Variants in USH2A observed in about 807,000 individuals in gnomAD.
USH2A encodes the protein Usher syndrome 2A (autosomal recessive, mild).
In USH2A, 443 loss-of-function variants were observed where a neutral mutation model predicts 538.9. The observed-to-expected ratio is 0.82, with a 90% confidence interval of 0.76 to 0.89. The LOEUF (loss-of-function observed/expected upper bound fraction) is 0.89. USH2A is among the 40% of genes least tolerant of loss of function. The pLI, the probability that USH2A is intolerant of heterozygous loss-of-function variation, is 0.00. For missense variants in USH2A, 6,633 were observed against 6,324.8 expected, an observed-to-expected ratio of 1.05 and a Z score of -1.65; for synonymous variants, 2,413 against 2,273.5, an observed-to-expected ratio of 1.06 and a Z score of -1.75.
intron 9 of USH2A, among the ~76,000 whole-genome samples, chr1:216,301,649 G>A (rs1288496162): frequency 6.6e-6 from 1 of 152,146 alleles, no homozygotes; most frequent in Non-Finnish European, 1.5e-5. Context: ...TAGAGATATG[G>A]ATGCAGCACT....
intron 3 of USH2A, among the ~76,000 whole-genome samples, chr1:216,413,415 G>A (rs1043995552): frequency 6.6e-6 from 1 of 152,004 alleles, no homozygotes; most frequent in East Asian, 1.9e-4. Flanking sequence ...CCTTTATAAA[G>A]TGTGCACATG....
At chr1:216,064,702 A>G (rs758827307) in intron 30 of USH2A, among the ~76,000 whole-genome samples, 1 of 152,124 alleles carries the variant, frequency 6.6e-6, no homozygotes, top group Non-Finnish European at 1.5e-5. Context: ...TTAGATACAC[A>G]AATACTTACC....
At chr1:216,347,585 T>G (rs779962773) in intron 4 of USH2A, among the ~76,000 whole-genome samples, 18 of 152,102 alleles carry the variant, frequency 1.2e-4, no homozygotes, top group Non-Finnish European at 2.5e-4. Context: ...GGACTGTATT[T>G]GTAAAAATAT....
intron 67 of USH2A, 97 bp from the exon 68 acceptor site, chr1:215,640,831 G>A (rs1349144353): frequency 7.7e-4 from 651 of 843,686 alleles, no homozygotes; most frequent in South Asian, 2.2e-3. Context: ...AAATCAAACC[G>A]AACCAATCCA....
At chr1:216,006,502 T>G (rs1013668825) in intron 32 of USH2A, among the ~76,000 whole-genome samples, 34 of 152,186 alleles carry the variant, frequency 2.2e-4, no homozygotes, top group African/African-American at 8.0e-4. Flanking sequence ...GGATAAATCT[T>G]ATCATCTTAT....
intron 32 of USH2A, among the ~76,000 whole-genome samples, chr1:216,001,515 C>T (rs940566248): frequency 1.3e-5 from 2 of 152,164 alleles, no homozygotes; most frequent in East Asian, 1.9e-4. Flanking sequence ...CTGAACACTT[C>T]ATTACACTTG....
At chr1:216,017,106 T>C (rs1176238944) in intron 32 of USH2A, among the ~76,000 whole-genome samples, 1 of 152,146 alleles carries the variant, frequency 6.6e-6, no homozygotes, top group Non-Finnish European at 1.5e-5. Context: ...TTTTTCTTGG[T>C]TACTTTTATG....
At chr1:216,386,157 A>G (rs1368841038) in intron 3 of USH2A, among the ~76,000 whole-genome samples, 1 of 152,224 alleles carries the variant, frequency 6.6e-6, no homozygotes, top group Non-Finnish European at 1.5e-5. Context: ...TAAATTGCAC[A>G]ACAATTATGA....
At chr1:215,716,396 C>G (rs578035893) in intron 61 of USH2A, among the ~76,000 whole-genome samples, 2 of 152,336 alleles carry the variant, frequency 1.3e-5, no homozygotes, top group East Asian at 3.9e-4. Flanking sequence ...ATCAAGCTAT[C>G]TGGCATAAAA....
At chr1:215,875,168 C>CTTT (rs1664724788) in intron 43 of USH2A, among the ~76,000 whole-genome samples, 1 of 152,164 alleles carries the variant, frequency 6.6e-6, no homozygotes, top group African/African-American at 2.4e-5. Flanking sequence ...ATTTGCAAGA[C>CTTT]ACTCCCCCTT....
chr1:215,973,283 A>G (rs766354505), intron 35 of USH2A, among the ~76,000 whole-genome samples: 1 of 152,160 alleles, frequency 6.6e-6, no homozygotes, highest in Non-Finnish European at 1.5e-5. Flanking sequence ...ATATTGGGAA[A>G]TGAGATATTT....
chr1:215,916,864 C>A (rs1665967622), intron 38 of USH2A, among the ~76,000 whole-genome samples: 1 of 152,082 alleles, frequency 6.6e-6, no homozygotes, highest in African/African-American at 2.4e-5. Flanking sequence ...CCACCTCCAC[C>A]TCTCTTTGTG....
chr1:216,074,970 T>C (rs552811902), intron 27 of USH2A, among the ~76,000 whole-genome samples: 1 of 152,328 alleles, frequency 6.6e-6, no homozygotes, highest in South Asian at 2.1e-4. Flanking sequence ...CTAATGCCAC[T>C]AAACTGTACA....
At chr1:215,912,484 T>C (rs1237163795) in intron 38 of USH2A, among the ~76,000 whole-genome samples, 12 of 17,786 alleles carry the variant, frequency 6.7e-4, no homozygotes, top group African/African-American at 2.6e-3. Context: ...TACGTATATA[T>C]ATATATGTGT....
At chr1:216,276,021 A>G (rs76165325) in intron 11 of USH2A, among the ~76,000 whole-genome samples, 21 of 152,222 alleles carry the variant, frequency 1.4e-4, no homozygotes, top group African/African-American at 4.6e-4. Flanking sequence ...TAGGAACCCT[A>G]TGTCTCTAAC....
intron 11 of USH2A, among the ~76,000 whole-genome samples, chr1:216,251,541 T>C (rs1225361876): frequency 6.4e-5 from 9 of 141,156 alleles, no homozygotes; most frequent in Admixed American, 3.2e-4. Flanking sequence ...AGCTCCGCCT[T>C]CTGGGTTCAC....
intron 49 of USH2A, among the ~76,000 whole-genome samples, chr1:215,805,054 T>C (rs1332604740): frequency 1.3e-5 from 2 of 151,922 alleles, no homozygotes; most frequent in East Asian, 1.9e-4. Context: ...AAACACCGTA[T>C]GTTGTCACTC....
At chr1:215,833,976 G>A (rs2102811792) in intron 47 of USH2A, among the ~76,000 whole-genome samples, 1 of 152,062 alleles carries the variant, frequency 6.6e-6, no homozygotes, top group Non-Finnish European at 1.5e-5. Flanking sequence ...TAGTCATTAG[G>A]GAAAATGTAA....
In USH2A at chr1:215,759,680, T is replaced by C. The variant is rs1335027135; in HGVS notation, c.11211A>G (p.Lys3737=). The C allele has an allele frequency of 1.2e-6, 2 of 1,613,872 alleles. No homozygotes were observed. The highest frequency in any genetic ancestry group is 1.6e-4 in the Middle Eastern group (1 of 6,080). ...TTTACCTGCTATTGGGCTCCAGGTT[T>C]TTATCAGTGAAATTCTGCTCCTCAC... is the stretch of plus-strand genomic sequence containing the variant. ...GGSEEQNFTD[K]NLEPNSRYTY... The change falls in exon 57 of 72, where the codon AAA becomes AAG. Residue 3737 remains lysine, a synonymous_variant. Coordinates refer to ENST00000307340, the MANE Select transcript of USH2A (RefSeq NM_206933.4).
Sources: allele counts gnomAD v4.1 joint callset (sites outside exome capture counted in the v4.1 genomes callset), GRCh38; gene constraint gnomAD v4.1.1; transcripts MANE v1.5; gene names NCBI Gene and HGNC (gene_info 2026-07-23, HGNC 2026-07-21).